The following STK33 variants were observed in gnomAD, a reference collection of about 807,000 sequenced individuals.
The protein encoded by STK33 is serine/threonine kinase 33.
Under a neutral mutation model 58.0 loss-of-function variants are expected in STK33, and 52 were observed. The observed-to-expected ratio is 0.90, with a 90% CI of 0.72 to 1.13. The LOEUF is 1.13. Ranked by LOEUF, STK33 falls within the 50% of genes most tolerant of loss-of-function variation. The pLI, the probability that STK33 is intolerant of heterozygous loss-of-function variation, is 0.00. For missense variants in STK33, 630 were observed against 604.2 expected (o/e 1.04, Z -0.45); for synonymous variants, 215 against 200.1 (o/e 1.07, Z -0.63).
At chr11:8,558,171 T>C (rs1345535334) in intron 1 of STK33, among the ~76,000 whole-genome samples, 2 of 152,166 alleles carry the variant, frequency 1.3e-5, no homozygotes, top group African/African-American at 4.8e-5. Flanking sequence ...CCATCATTCA[T>C]TTGTTTGCAG....
intron 12 of STK33, among the ~76,000 whole-genome samples, chr11:8,439,977 T>A (rs1393979150): frequency 6.7e-6 from 1 of 149,314 alleles, no homozygotes; most frequent in Non-Finnish European, 1.5e-5. Context: ...GGCAGCAACG[T>A]GAAGGACAAA....
intron 15 of STK33, among the ~76,000 whole-genome samples, chr11:8,404,375 C>T (rs1052354519): frequency 1.3e-5 from 2 of 152,136 alleles, no homozygotes; most frequent in African/African-American, 4.8e-5. Flanking sequence ...ATAACCAACA[C>T]CACAATCAGG....
Position 8,474,596 on chromosome 11 carries a change from A to T in STK33, c.225+85T>A, listed in dbSNP as rs1048272523. ...GAAGGCAATGAATTAGCTAACAAGA[A>T]CTCATGGGATATGGATGAAGCTAGG... On this transcript the variant is annotated intron_variant, in intron 5 of 15. Coordinates refer to ENST00000687296, the MANE Select transcript of STK33 (RefSeq NM_001352389.2). 21 of 954,576 alleles carry T rather than the reference A, an allele frequency of 2.2e-5. No individual in the cohort carries two copies. The South Asian group carries it at 3.7e-4, about 17-fold the overall frequency. 59.1% of individuals were successfully genotyped at this position (954,576 alleles called of 1,614,324 possible).
intron 1 of STK33, among the ~76,000 whole-genome samples, chr11:8,521,520 A>C (rs986052120): frequency 6.6e-6 from 1 of 152,164 alleles, no homozygotes; most frequent in Non-Finnish European, 1.5e-5. Context: ...AACCATAAAA[A>C]CCCTAGAAGA....
At chr11:8,561,672 T>A (rs1957122253) in intron 1 of STK33, among the ~76,000 whole-genome samples, 1 of 152,198 alleles carries the variant, frequency 6.6e-6, no homozygotes, top group Non-Finnish European at 1.5e-5. Context: ...ATATGTTGGA[T>A]CTTCTCTGCC....
At chr11:8,517,083 G>A (rs1952866119) in intron 1 of STK33, among the ~76,000 whole-genome samples, 1 of 152,214 alleles carries the variant, frequency 6.6e-6, no homozygotes, top group Admixed American at 6.5e-5. Context: ...ACGCCTCCCA[G>A]TAGGGGCCAA....
At chr11:8,393,701 C>T (rs1462429536) in intron 15 of STK33, among the ~76,000 whole-genome samples, 1 of 152,168 alleles carries the variant, frequency 6.6e-6, no homozygotes, top group Non-Finnish European at 1.5e-5. Context: ...TAACAATTTT[C>T]AAAGAGTGTG....
At chr11:8,416,217 C>G (rs1255509441) in intron 14 of STK33, among the ~76,000 whole-genome samples, 1 of 152,118 alleles carries the variant, frequency 6.6e-6, no homozygotes, top group Non-Finnish European at 1.5e-5. Flanking sequence ...GAAGAAATTG[C>G]TGACTGGGAA....
At chr11:8,440,978 G>T (rs913526870) in intron 11 of STK33, among the ~76,000 whole-genome samples, 1 of 152,292 alleles carries the variant, frequency 6.6e-6, no homozygotes, top group East Asian at 1.9e-4. Context: ...GGTGTAAACT[G>T]TATAACTAAA....
At position 8,392,545 on chromosome 11, in the gene STK33, A is replaced by G. The variant is rs777841300; in HGVS notation, c.1510T>C (p.Ser504Pro). The change falls in exon 16 of 16, where the codon TCC (serine) becomes CCC (proline). Residue 504 changes from serine to proline, a missense_variant. Ser to Pro is a moderately conservative substitution (Grantham distance 74). Transcript: ENST00000687296. The part of the protein sequence containing the change: ...QGTATKYPAK[S>P]GALSRTKKKL Reference sequence around the variant, plus strand: ...TTTTTGGTTCTGGACAGGGCGCCGGATTTAGCAGGGTACTTGGTTGCTGTT... The same window carrying G: ...TTTTTGGTTCTGGACAGGGCGCCGGGTTTAGCAGGGTACTTGGTTGCTGTT... 52 of 1,614,038 alleles carry G rather than the reference A, an allele frequency of 3.2e-5. No homozygotes were observed. The Admixed American group carries it at 8.7e-4, about 27-fold the overall frequency.
intron 1 of STK33, among the ~76,000 whole-genome samples, chr11:8,483,857 C>T (rs1411631660): frequency 6.6e-6 from 1 of 152,136 alleles, no homozygotes; most frequent in East Asian, 1.9e-4. Context: ...ACTGTAACTT[C>T]CACAATGAAA....
chr11:8,564,408 G>C lies in STK33; in HGVS notation c.-466+29675C>G, dbSNP rs368452764. 4.6e-5 allele frequency among the ~76,000 whole-genome samples: 7 copies of C among 152,314 alleles called. No homozygotes were observed. In the South Asian group the frequency reaches 1.5e-3, roughly 32 times the overall value. On this transcript the variant is annotated intron_variant, in intron 1 of 15. Coordinates refer to ENST00000687296, the MANE Select transcript of STK33 (RefSeq NM_001352389.2). ...TCTGCTGAGCCTGCTCTGCTGAGAA[G>C]AGTTTGCCCCTTGTGAATCTGGTGT...
At position 8,405,908 on chromosome 11, in the gene STK33, C is replaced by T. The variant is rs912544513; in HGVS notation, c.1344+7587G>A. Among the ~76,000 whole-genome samples, 10 of 152,092 alleles carry T rather than the reference C, an allele frequency of 6.6e-5. No individual in the cohort carries two copies. In the East Asian group the frequency reaches 9.6e-4, roughly 15 times the overall value. On this transcript the variant is annotated intron_variant, in intron 15 of 15. Coordinates refer to ENST00000687296, the MANE Select transcript of STK33 (RefSeq NM_001352389.2). ...CTGTAATCCCAGCACTTTGGGAGGC[C>T]GAGGTGGGCGGATCACGAGGTCAGG...
intron 1 of STK33, among the ~76,000 whole-genome samples, chr11:8,499,332 A>G (rs1951324380): frequency 6.6e-6 from 1 of 152,228 alleles, no homozygotes; most frequent in African/African-American, 2.4e-5. Flanking sequence ...TCTCATCATC[A>G]CTGGTCATTA....
the STK33 span, among the ~76,000 whole-genome samples, chr11:8,382,079 C>T: frequency 3.3e-5 from 5 of 152,146 alleles, no homozygotes; most frequent in South Asian, 2.1e-4. Flanking sequence ...CCACATCCTA[C>T]GGCTTATGTA....
intron 9 of STK33, among the ~76,000 whole-genome samples, chr11:8,455,142 G>T (rs1396084045): frequency 6.6e-6 from 1 of 152,136 alleles, no homozygotes; most frequent in Non-Finnish European, 1.5e-5. Flanking sequence ...CCAGGAGGAG[G>T]GAGATCATCT....
the STK33 span, among the ~76,000 whole-genome samples, chr11:8,349,668 C>T: frequency 1.1e-4 from 16 of 152,348 alleles, no homozygotes; most frequent in African/African-American, 3.8e-4. Context: ...TGACCAAGGG[C>T]TGGAGTGTGA....
At chr11:8,455,767 T>C (rs1488700223) in intron 9 of STK33, among the ~76,000 whole-genome samples, 4 of 134,934 alleles carry the variant, frequency 3.0e-5, no homozygotes, top group Non-Finnish European at 4.6e-5. Context: ...GCCGAGATCG[T>C]GTCACTGCAC....
chr11:8,443,295 A>C (rs986879021), intron 11 of STK33, among the ~76,000 whole-genome samples: 3 of 152,214 alleles, frequency 2.0e-5, no homozygotes, highest in Non-Finnish European at 4.4e-5. Flanking sequence ...TCAACAAACC[A>C]GGTATACATA....
Sources: allele counts gnomAD v4.1 joint callset (sites outside exome capture counted in the v4.1 genomes callset), GRCh38; gene constraint gnomAD v4.1.1; transcripts MANE v1.5; gene names NCBI Gene and HGNC (gene_info 2026-07-23, HGNC 2026-07-21).